The following COL4A2 variants were observed in gnomAD, a reference collection of about 807,000 sequenced individuals.
The protein encoded by COL4A2 is collagen type IV alpha 2 chain.
A neutral mutation model predicts 200.2 loss-of-function variants in COL4A2; 99 were observed. The observed-to-expected ratio is 0.49, with a 90% CI of 0.42 to 0.58. COL4A2 has a LOEUF of 0.58. Ranked by LOEUF, COL4A2 falls within the 20% of genes least tolerant of loss-of-function variation. The pLI is 0.00. For synonymous variants in COL4A2, 897 were observed against 900.6 expected (o/e 1.00, Z 0.07); for missense variants, 1,950 against 2,314.1 (o/e 0.84, Z 3.23).
chr13:110,484,836 G>A, intron 32 of COL4A2, 69 bp from the exon 33 acceptor site: 1 of 1,505,636 alleles, frequency 6.6e-7, no homozygotes, highest in Non-Finnish European at 8.9e-7. Flanking sequence ...TCAGGGACCA[G>A]GCCTTCACCT....
chr13:110,490,706 C>T (rs11839455), intron 36 of COL4A2, among the ~76,000 whole-genome samples: 14,046 of 152,204 alleles, frequency 0.092, 785 homozygotes, highest in African/African-American at 0.14. Flanking sequence ...GCCATTAGTC[C>T]GGCCATTTGG....
chr13:110,398,910 C>A (rs1393046069), intron 4 of COL4A2, among the ~76,000 whole-genome samples: 2 of 151,768 alleles, frequency 1.3e-5, no homozygotes, highest in Non-Finnish European at 2.9e-5. Context: ...TTTAGCCTTA[C>A]TTATATATAA....
chr13:110,350,488 A>G (rs1452129066), intron 3 of COL4A2, among the ~76,000 whole-genome samples: 1 of 152,224 alleles, frequency 6.6e-6, no homozygotes, highest in Non-Finnish European at 1.5e-5. Flanking sequence ...AGCACAGGTC[A>G]CAGAGGTCAA....
In COL4A2 at chr13:110,466,496, G is replaced by A. The variant is rs144395201; in HGVS notation, c.2038+434G>A. Among the ~76,000 whole-genome samples, 406 of 152,264 alleles carry A rather than the reference G, an allele frequency of 2.7e-3. 4 individuals carry two copies. The highest frequency in any genetic ancestry group is 9.4e-3 in the African/African-American group (390 of 41,538). ...TGCAAGAGAGCCTCTTAGACAAAGG[G>A]CTCTCACAATACCCCAGCTGGAGTG... On this transcript the variant is annotated intron_variant, in intron 26 of 47. Transcript: ENST00000360467.
chr13:110,339,982 C>T (rs561367127), intron 3 of COL4A2, among the ~76,000 whole-genome samples: 19 of 152,294 alleles, frequency 1.2e-4, no homozygotes, highest in Admixed American at 1.1e-3. Flanking sequence ...TTCATCCTGG[C>T]GGTTTATGAC....
intron 4 of COL4A2, among the ~76,000 whole-genome samples, chr13:110,367,044 C>T (rs2139397790): frequency 6.6e-6 from 1 of 152,308 alleles, no homozygotes; most frequent in Non-Finnish European, 1.5e-5. Flanking sequence ...CTGTCCCTTT[C>T]CTCTCTGTGT....
chr13:110,315,156 C>T (rs999501114), intron 3 of COL4A2, among the ~76,000 whole-genome samples: 1 of 151,244 alleles, frequency 6.6e-6, no homozygotes, highest in East Asian at 2.0e-4. Flanking sequence ...GGCCTTAGCC[C>T]CGGGGGGATA....
chr13:110,461,510 T>C (rs1882024946), intron 22 of COL4A2, among the ~76,000 whole-genome samples: 1 of 152,206 alleles, frequency 6.6e-6, no homozygotes, highest in Non-Finnish European at 1.5e-5. Flanking sequence ...TGCATTGTAT[T>C]TACTTATTTA....
rs1039762579 is a variant in COL4A2, at chr13:110,447,290, C to G, written c.1078+426C>G. Among the ~76,000 whole-genome samples the G allele has an allele frequency of 2.0e-5, 3 of 152,186 alleles. 1 individual carries two copies. Among genetic ancestry groups the G allele is most frequent in the African/African-American group, 7.2e-5 (3 of 41,440 alleles). ...AGCCCTCTGCTTGCCAGCCCGACAC[C>G]TGGAATTGATCATAACTCATAACCA... is the stretch of plus-strand genomic sequence containing the variant. On this transcript the variant is annotated intron_variant, in intron 18 of 47. Transcript: ENST00000360467.
At chr13:110,356,465 T>C (rs1475977721) in intron 3 of COL4A2, among the ~76,000 whole-genome samples, 1 of 152,116 alleles carries the variant, frequency 6.6e-6, no homozygotes, top group Admixed American at 6.5e-5. Context: ...CACATGGCCC[T>C]CCCTTTGATC....
At chr13:110,331,564 G>A (rs759820795) in intron 3 of COL4A2, among the ~76,000 whole-genome samples, 23 of 152,168 alleles carry the variant, frequency 1.5e-4, no homozygotes, top group Non-Finnish European at 1.2e-4. Context: ...ATGGGAGGTG[G>A]GGAGGGTGAT....
Position 110,491,303 on chromosome 13 carries a change from TG to T in COL4A2, c.3419del (p.Gly1140GlufsTer17). On this transcript the variant is annotated frameshift_variant, in exon 37 of 48. Transcript: ENST00000360467. LOFTEE classifies it high-confidence loss of function. ...GCTTCCCTGGGATAACAGGCGTGAC[TG>T]GAGTCCAAGGCCCTCCTGGACTTAA... The part of the protein sequence containing the change: ...IGFPGITGVT[G>X]VQGPPGLKGQ... 1 of 1,597,228 alleles carries T rather than the reference TG, an allele frequency of 6.3e-7. No homozygotes were observed. Among genetic ancestry groups the T allele is most frequent in the Non-Finnish European group, 8.5e-7 (1 of 1,170,894 alleles).
chr13:110,337,486 C>T (rs1224021892), intron 3 of COL4A2, among the ~76,000 whole-genome samples: 1 of 152,226 alleles, frequency 6.6e-6, no homozygotes, highest in Non-Finnish European at 1.5e-5. Context: ...GGGCAGGAAG[C>T]TCCTGATGGG....
At chr13:110,312,509 T>C (rs747474190) in intron 3 of COL4A2, among the ~76,000 whole-genome samples, 3 of 152,228 alleles carry the variant, frequency 2.0e-5, no homozygotes, top group Non-Finnish European at 4.4e-5. Context: ...AGGGAAAAAC[T>C]GAGTGCCATG....
chr13:110,445,215 C>T (rs1410656350), intron 16 of COL4A2, among the ~76,000 whole-genome samples: 1 of 152,126 alleles, frequency 6.6e-6, no homozygotes, highest in Non-Finnish European at 1.5e-5. Context: ...TATTTTGGTA[C>T]TAAATGAAGA....
chr13:110,408,593 G>A (rs1879668296), intron 4 of COL4A2, among the ~76,000 whole-genome samples: 1 of 152,188 alleles, frequency 6.6e-6, no homozygotes, highest in South Asian at 2.1e-4. Flanking sequence ...CATCGTCGGG[G>A]TCATGGATCC....
intron 4 of COL4A2, among the ~76,000 whole-genome samples, chr13:110,361,111 G>A (rs1296827460): frequency 6.6e-6 from 1 of 152,202 alleles, no homozygotes; most frequent in Non-Finnish European, 1.5e-5. Context: ...ATATTCTTCT[G>A]TGTGTTACAG....
chr13:110,326,745 T>C (rs1480546907), intron 3 of COL4A2, among the ~76,000 whole-genome samples: 1 of 152,126 alleles, frequency 6.6e-6, no homozygotes, highest in Non-Finnish European at 1.5e-5. Context: ...TGGAACCCCC[T>C]ACATCCCATC....
At chr13:110,437,074 G>A (rs1389406524) in intron 13 of COL4A2, among the ~76,000 whole-genome samples, 1 of 152,210 alleles carries the variant, frequency 6.6e-6, no homozygotes, top group South Asian at 2.1e-4. Context: ...AACCCCAAAC[G>A]GGGAGATCTT....
Sources: allele counts gnomAD v4.1 joint callset (sites outside exome capture counted in the v4.1 genomes callset), GRCh38; gene constraint gnomAD v4.1.1; transcripts MANE v1.5; gene names NCBI Gene and HGNC (gene_info 2026-07-23, HGNC 2026-07-21).